The following PHACTR1 variants were observed in gnomAD, a reference collection of about 807,000 sequenced individuals.
PHACTR1 encodes phosphatase and actin regulator 1.
Under a neutral mutation model 69.2 loss-of-function variants are expected in PHACTR1, and 16 were observed. That is an observed-to-expected ratio of 0.23 (90% CI 0.16 to 0.35). The LOEUF is 0.35. Among genes scored for constraint, PHACTR1 ranks in the 10% least tolerant of loss-of-function variants. PHACTR1 has a pLI of 1.00. For missense variants in PHACTR1, 510 were observed against 734.7 expected (o/e 0.69, Z 3.54); for synonymous variants, 312 against 284.5 (o/e 1.10, Z -0.97).
intron 6 of PHACTR1, among the ~76,000 whole-genome samples, chr6:13,178,612 C>T (rs1395346050): frequency 6.6e-6 from 1 of 152,256 alleles, no homozygotes; most frequent in Non-Finnish European, 1.5e-5. Context: ...TTGAGAACCA[C>T]TGTCTTAACC....
intron 4 of PHACTR1, among the ~76,000 whole-genome samples, chr6:12,832,423 A>G (rs149983291): frequency 5.3e-4 from 81 of 152,302 alleles, no homozygotes; most frequent in African/African-American, 1.9e-3. Context: ...TGAAAATAAA[A>G]AACAAAAAAT....
intron 4 of PHACTR1, among the ~76,000 whole-genome samples, chr6:12,930,031 G>A (rs548667050): frequency 2.6e-5 from 4 of 151,492 alleles, no homozygotes; most frequent in South Asian, 4.2e-4. Context: ...AACACTGCCT[G>A]TAAACAGAAA....
chr6:13,232,911 A>G (rs1771448756), intron 10 of PHACTR1, among the ~76,000 whole-genome samples: 1 of 152,186 alleles, frequency 6.6e-6, no homozygotes, highest in Non-Finnish European at 1.5e-5. Context: ...GCTACAGTAC[A>G]AGGAGAGCCC....
intron 3 of PHACTR1, among the ~76,000 whole-genome samples, chr6:12,725,842 G>A (rs898558746): frequency 1.3e-5 from 2 of 151,436 alleles, no homozygotes; most frequent in African/African-American, 4.9e-5. Context: ...AACTGATGGG[G>A]TGAGAATGCT....
chr6:13,033,990 A>C (rs1802867728), intron 4 of PHACTR1, among the ~76,000 whole-genome samples: 1 of 151,770 alleles, frequency 6.6e-6, no homozygotes, highest in Non-Finnish European at 1.5e-5. Flanking sequence ...CAATATTTTG[A>C]GTACTTGTGA....
chr6:13,104,182 A>C (rs1037260255), intron 5 of PHACTR1, among the ~76,000 whole-genome samples: 3 of 152,206 alleles, frequency 2.0e-5, no homozygotes, highest in African/African-American at 7.2e-5. Flanking sequence ...CCAGGACTTC[A>C]AATTGAATTT....
intron 7 of PHACTR1, among the ~76,000 whole-genome samples, chr6:13,188,004 G>A (rs1161403919): frequency 2.6e-5 from 4 of 152,134 alleles, no homozygotes; most frequent in Non-Finnish European, 4.4e-5. Flanking sequence ...GTATCCACAG[G>A]GTTCTTTACA....
At chr6:13,065,328 C>G (rs1808461427) in intron 5 of PHACTR1, among the ~76,000 whole-genome samples, 1 of 151,770 alleles carries the variant, frequency 6.6e-6, no homozygotes, top group Non-Finnish European at 1.5e-5. Flanking sequence ...GCAGAGCCTA[C>G]AGAGAAGACA....
In PHACTR1 at chr6:13,179,245, G is replaced by GCAA. The variant is rs911125651; in HGVS notation, c.497-3258_497-3256dup. Among the ~76,000 whole-genome samples the GCAA allele has an allele frequency of 1.1e-4, 16 of 151,904 alleles. No individual in the cohort carries two copies. Among genetic ancestry groups the GCAA allele is most frequent in the South Asian group, 6.2e-4 (3 of 4,810 alleles). ...AGTGAGACCCTGTCTCAAACAAACA[G>GCAA]CAACAACAACAACAACAAACCCAGT... On this transcript the variant is annotated intron_variant, in intron 6 of 14. Coordinates refer to ENST00000332995, the MANE Select transcript of PHACTR1 (RefSeq NM_030948.6). The surrounding 1 kb of genome is among the most constrained non-coding windows in gnomAD (Gnocchi z 4.2).
chr6:12,869,206 A>G (rs1415809674), intron 4 of PHACTR1, among the ~76,000 whole-genome samples: 1 of 152,114 alleles, frequency 6.6e-6, no homozygotes, highest in Non-Finnish European at 1.5e-5. Flanking sequence ...GTTCCCCAAG[A>G]TGTACAGAAT....
intron 5 of PHACTR1, among the ~76,000 whole-genome samples, chr6:13,119,961 T>C (rs1818447991): frequency 6.6e-6 from 1 of 151,628 alleles, no homozygotes; most frequent in African/African-American, 2.4e-5. Context: ...TATGAGGGAG[T>C]CGCTTCCTGG....
At chr6:13,134,096 C>T (rs534730765) in intron 5 of PHACTR1, among the ~76,000 whole-genome samples, 3 of 151,516 alleles carry the variant, frequency 2.0e-5, no homozygotes, top group South Asian at 2.1e-4. Flanking sequence ...CCCCTCCGCC[C>T]GGCAGCCGCC....
At chr6:12,898,216 T>G (rs1278157109) in intron 4 of PHACTR1, among the ~76,000 whole-genome samples, 2 of 152,120 alleles carry the variant, frequency 1.3e-5, no homozygotes, top group African/African-American at 2.4e-5. Context: ...CTCCTAAACC[T>G]TATGTTTACA....
At chr6:12,853,063 G>A (rs904221387) in intron 4 of PHACTR1, among the ~76,000 whole-genome samples, 6 of 152,124 alleles carry the variant, frequency 3.9e-5, no homozygotes, top group Non-Finnish European at 7.3e-5. Context: ...TTGAAGCATC[G>A]ATAATCCAGC....
intron 7 of PHACTR1, among the ~76,000 whole-genome samples, chr6:13,205,203 A>T (rs1765728138): frequency 6.6e-6 from 1 of 152,148 alleles, no homozygotes; most frequent in Non-Finnish European, 1.5e-5. Context: ...CAAAGGAGAG[A>T]AACTGAGGAA....
intron 7 of PHACTR1, chr6:13,184,914 T>C (rs758930309): frequency 1.5e-6 from 2 of 1,366,596 alleles, no homozygotes; most frequent in South Asian, 2.3e-5. Context: ...CTGGAGACCA[T>C]GAAGAGACCC....
rs577855872 is a variant in PHACTR1, at chr6:13,102,638, G to A, written c.415+49109G>A. 4.6e-5 allele frequency among the ~76,000 whole-genome samples: 7 copies of A among 152,204 alleles called. No individual in the cohort carries two copies. The South Asian group carries it at 1.5e-3, about 32-fold the overall frequency. On this transcript the variant is annotated intron_variant, in intron 5 of 14. Transcript: ENST00000332995. ...CAAGCCTGTTGCCAGATCTCTTTTA[G>A]GTACCTAGGTAGACTGTGTGGGACC... is the stretch of plus-strand genomic sequence containing the variant.
chr6:12,819,164 T>C (rs1016104909), intron 4 of PHACTR1, among the ~76,000 whole-genome samples: 19 of 152,212 alleles, frequency 1.2e-4, no homozygotes, highest in Admixed American at 9.8e-4. Flanking sequence ...TTCCATACCA[T>C]AATGCTTTCC....
At chr6:12,726,941 A>T (rs1014675827) in intron 3 of PHACTR1, among the ~76,000 whole-genome samples, 2 of 152,186 alleles carry the variant, frequency 1.3e-5, no homozygotes, top group African/African-American at 4.8e-5. Context: ...TGTCTCTGAG[A>T]AGTGCTTCAG....
Sources: allele counts gnomAD v4.1 joint callset (sites outside exome capture counted in the v4.1 genomes callset), GRCh38; gene constraint gnomAD v4.1.1; non-coding constraint Gnocchi (gnomAD v3.1); transcripts MANE v1.5; gene names NCBI Gene and HGNC (gene_info 2026-07-23, HGNC 2026-07-21).